The following PDZRN3 variants were observed in gnomAD, a reference collection of about 807,000 sequenced individuals.
PDZRN3 encodes E3 ubiquitin-protein ligase PDZRN3.
In PDZRN3, 38 loss-of-function variants were observed where a neutral mutation model predicts 85.7. The observed-to-expected ratio is 0.44, with a 90% CI of 0.34 to 0.58. The LOEUF (loss-of-function observed/expected upper bound fraction) is 0.58. PDZRN3 is among the 20% of genes least tolerant of loss of function. The pLI is 0.01. For missense variants in PDZRN3, 1,629 were observed against 1,506.4 expected (o/e 1.08, Z -1.35); for synonymous variants, 759 against 638.0 (o/e 1.19, Z -2.86).
intron 8 of PDZRN3, among the ~76,000 whole-genome samples, chr3:73,387,767 T>G (rs997138579): frequency 6.6e-6 from 1 of 152,152 alleles, no homozygotes; most frequent in Non-Finnish European, 1.5e-5. Flanking sequence ...GCCTGCAGTA[T>G]AGATGCCAGG....
chr3:73,489,281 T>C (rs1469234834), intron 3 of PDZRN3, among the ~76,000 whole-genome samples: 2 of 152,200 alleles, frequency 1.3e-5, no homozygotes, highest in African/African-American at 2.4e-5. Context: ...AAGCTTTATA[T>C]TTTCATATCT....
chr3:73,390,722 C>T (rs563473099), intron 6 of PDZRN3, among the ~76,000 whole-genome samples: 6 of 151,484 alleles, frequency 4.0e-5, no homozygotes, highest in Admixed American at 6.6e-5. Context: ...TCAATGAACA[C>T]GAGTTGGGAA....
Position 73,513,622 on chromosome 3 carries a change from C to G in PDZRN3, c.918+88732G>C, listed in dbSNP as rs545750427. On this transcript the variant is annotated intron_variant, in intron 3 of 9. Coordinates refer to ENST00000263666, the MANE Select transcript of PDZRN3 (RefSeq NM_015009.3). The stretch of plus-strand genomic sequence containing the variant: ...ACACTGCAAGTAAGTTTTCATCTTT[C>G]CCTGCCTCAAACCAAGAATTTAACA... Among the ~76,000 whole-genome samples the G allele has an allele frequency of 6.6e-5, 10 of 152,324 alleles. No homozygotes were observed. The South Asian group carries it at 1.7e-3, about 25-fold the overall frequency.
chr3:73,447,533 C>T (rs535047327), intron 3 of PDZRN3, among the ~76,000 whole-genome samples: 1 of 152,310 alleles, frequency 6.6e-6, no homozygotes, highest in Admixed American at 6.5e-5. Context: ...CCTCTGCAAT[C>T]CTTCCTCCAT....
At chr3:73,551,849 G>A (rs910385655) in intron 3 of PDZRN3, among the ~76,000 whole-genome samples, 2 of 152,224 alleles carry the variant, frequency 1.3e-5, no homozygotes, top group East Asian at 3.9e-4. Context: ...ATACCTGCAT[G>A]TGATTTTATT....
At chr3:73,456,939 GAA>G (rs141884119) in intron 3 of PDZRN3, among the ~76,000 whole-genome samples, 10 of 146,698 alleles carry the variant, frequency 6.8e-5, no homozygotes, top group African/African-American at 2.2e-4. Flanking sequence ...GGAGTAGGGG[GAA>G]AAAAAAAACA....
intron 3 of PDZRN3, among the ~76,000 whole-genome samples, chr3:73,521,676 A>AATT (rs767379473): frequency 6.5e-4 from 99 of 151,950 alleles, no homozygotes; most frequent in South Asian, 3.8e-3. Context: ...ACTGCGTTGT[A>AATT]ATTATTCTTC....
chr3:73,564,730 GCT>G (rs1701907282), intron 3 of PDZRN3, among the ~76,000 whole-genome samples: 1 of 152,054 alleles, frequency 6.6e-6, no homozygotes, highest in South Asian at 2.1e-4. Flanking sequence ...TAGAACTCAG[GCT>G]CTGAAATTAG....
chr3:73,554,749 C>T (rs539125579), intron 3 of PDZRN3, among the ~76,000 whole-genome samples: 1 of 152,168 alleles, frequency 6.6e-6, no homozygotes, highest in Non-Finnish European at 1.5e-5. Context: ...CACAAATATT[C>T]TCAGTGTCTT....
intron 3 of PDZRN3, among the ~76,000 whole-genome samples, chr3:73,521,775 A>T (rs1255640684): frequency 1.3e-5 from 2 of 152,176 alleles, no homozygotes; most frequent in African/African-American, 4.8e-5. Context: ...TTGTCTCTGT[A>T]TCTTTCCTGC....
At chr3:73,390,635 A>AATGTGTG (rs1553683086) in intron 6 of PDZRN3, among the ~76,000 whole-genome samples, 4 of 139,374 alleles carry the variant, frequency 2.9e-5, no homozygotes, top group African/African-American at 1.1e-4. Flanking sequence ...AGAAAAAAAA[A>AATGTGTG]TGTGTGTGTG....
intron 3 of PDZRN3, among the ~76,000 whole-genome samples, chr3:73,455,944 A>C (rs1702967642): frequency 6.6e-6 from 1 of 152,226 alleles, no homozygotes; most frequent in African/African-American, 2.4e-5. Flanking sequence ...AATTAGACTT[A>C]TTAGTTAATT....
intron 3 of PDZRN3, among the ~76,000 whole-genome samples, chr3:73,564,348 C>T (rs181013757): frequency 6.6e-6 from 1 of 152,286 alleles, no homozygotes; most frequent in Non-Finnish European, 1.5e-5. Flanking sequence ...GAAACCAGCA[C>T]CTGGGTTTGT....
chr3:73,515,254 C>A (rs1339889273), intron 3 of PDZRN3, among the ~76,000 whole-genome samples: 2 of 144,366 alleles, frequency 1.4e-5, no homozygotes, highest in African/African-American at 2.6e-5. Context: ...CGGCTCACTG[C>A]AAGCTCCGCC....
At chr3:73,602,213 C>G (rs933342263) in intron 3 of PDZRN3, 141 bp downstream of exon 3, 2 of 628,128 alleles carry the variant, frequency 3.2e-6, no homozygotes, top group African/African-American at 3.7e-5. Flanking sequence ...CAATCTGGTC[C>G]CACACAATGG....
chr3:73,602,120 A>C (rs1295485732), intron 3 of PDZRN3, among the ~76,000 whole-genome samples: 1 of 152,174 alleles, frequency 6.6e-6, no homozygotes, highest in Non-Finnish European at 1.5e-5. Context: ...GGTCCACATG[A>C]AAAAAGCCAA....
rs192044592 is a variant in PDZRN3, at chr3:73,443,407, C to T, written c.919-39012G>A. Among the ~76,000 whole-genome samples the T allele has an allele frequency of 5.3e-5, 8 of 152,104 alleles. No homozygotes were observed. In the East Asian group the frequency reaches 7.7e-4, roughly 15 times the overall value. ...TCCATATTTGTGCATTCCAAACCTC[C>T]GGCTGCAGGGAACTACCATGATTTT... On this transcript the variant is annotated intron_variant, in intron 3 of 9. Coordinates refer to ENST00000263666, the MANE Select transcript of PDZRN3 (RefSeq NM_015009.3).
At chr3:73,573,424 A>G (rs1272216306) in intron 3 of PDZRN3, among the ~76,000 whole-genome samples, 2 of 152,234 alleles carry the variant, frequency 1.3e-5, no homozygotes, top group Non-Finnish European at 2.9e-5. Flanking sequence ...TTTCTAGCAG[A>G]GGTTAACACA....
rs143410134 is a variant in PDZRN3 at position 73,597,473 on chromosome 3, G to A, written c.918+4881C>T. Among the ~76,000 whole-genome samples the A allele has an allele frequency of 7.3e-3, 1,118 of 152,248 alleles. 5 individuals carry two copies. Among genetic ancestry groups the A allele is most frequent in the Non-Finnish European group, 0.012 (812 of 68,026 alleles). On this transcript the variant is annotated intron_variant, in intron 3 of 9. Transcript: ENST00000263666. Reference sequence around the variant, plus strand: ...TACGAAATAATGGTTATTGGGAATAGAGGGCTTAAGTCTCCCACTTTCATT... The same window carrying A: ...TACGAAATAATGGTTATTGGGAATAAAGGGCTTAAGTCTCCCACTTTCATT...
Sources: allele counts gnomAD v4.1 joint callset (sites outside exome capture counted in the v4.1 genomes callset), GRCh38; gene constraint gnomAD v4.1.1; transcripts MANE v1.5; gene names NCBI Gene and HGNC (gene_info 2026-07-23, HGNC 2026-07-21).